Variants in MYH15 observed in about 807,000 individuals in gnomAD.
MYH15 encodes the protein myosin-15.
Under a neutral mutation model 240.5 loss-of-function variants are expected in MYH15, and 227 were observed. That is an observed-to-expected ratio of 0.94 (90% CI 0.85 to 1.05). The LOEUF (loss-of-function observed/expected upper bound fraction) is 1.05, where lower values mean the gene tolerates loss of function less well. MYH15 is among the 50% of genes least tolerant of loss of function. The probability of loss-of-function intolerance (pLI) is 0.00; values close to 1 mark genes in which losing one functional copy is unlikely to be tolerated. For synonymous variants in MYH15, 785 were observed against 796.7 expected, an observed-to-expected ratio of 0.99 and a Z score of 0.25; for missense variants, 2,217 against 2,247.5, an observed-to-expected ratio of 0.99 and a Z score of 0.27.
Position 108,391,885 on chromosome 3 carries a change from C to A in MYH15, c.5305G>T (p.Ala1769Ser), listed in dbSNP as rs758063978. Residue 1769 changes from alanine to serine, a missense_variant, in exon 37 of 41, where the codon GCC becomes TCC. Transcript: ENST00000693548. ...EELKKKQDTI[A>S]HLERTRENME... The stretch of plus-strand genomic sequence containing the variant: ...TTTTCTCTTGTCCTTTCCAAGTGGG[C>A]AATGGTGTCTTGCTTCTTCTTCAGT... 11 of 1,614,078 alleles carry A rather than the reference C, an allele frequency of 6.8e-6. 1 individual carries two copies. In the South Asian group the frequency reaches 1.2e-4, roughly 18 times the overall value.
intron 11 of MYH15, among the ~76,000 whole-genome samples, chr3:108,477,368 G>C (rs1216021463): frequency 2.0e-5 from 3 of 152,136 alleles, no homozygotes; most frequent in African/African-American, 7.2e-5. Context: ...GTTTATTTTT[G>C]TGATAATAAA....
the MYH15 span, chr3:108,550,118 T>C: frequency 6.6e-6 from 1 of 151,934 alleles, no homozygotes; most frequent in Non-Finnish European, 1.5e-5. Context: ...TGTATTGGTA[T>C]AGCAATAAAA....
chr3:108,458,753 TAA>T (rs59862220), intron 18 of MYH15, among the ~76,000 whole-genome samples: 1 of 146,554 alleles, frequency 6.8e-6, no homozygotes, highest in African/African-American at 2.5e-5. Flanking sequence ...TTGAAAACAT[TAA>T]AAAAAAAAAT....
In MYH15 at chr3:108,518,220, G is replaced by C. The variant is rs74356791; in HGVS notation, c.-57-7633C>G. Among the ~76,000 whole-genome samples the C allele has an allele frequency of 3.2e-3, 489 of 152,284 alleles. 3 individuals are homozygous for C. Among genetic ancestry groups the C allele is most frequent in the African/African-American group, 0.011 (476 of 41,562 alleles). ...ATAACCTTTATTATATGAAAACACT[G>C]AGTCTCAGAGAACTAGCAAGTGTTA... On this transcript the variant is annotated intron_variant, in intron 1 of 41. Transcript: ENST00000273353.
intron 25 of MYH15, among the ~76,000 whole-genome samples, chr3:108,436,601 T>C (rs1560362668): frequency 6.6e-6 from 1 of 152,174 alleles, no homozygotes; most frequent in Non-Finnish European, 1.5e-5. Context: ...TACAGTGGCA[T>C]GATCTCAGCT....
chr3:108,387,385 C>A (rs1366400349), intron 38 of MYH15, among the ~76,000 whole-genome samples: 1 of 152,066 alleles, frequency 6.6e-6, no homozygotes, highest in African/African-American at 2.4e-5. Context: ...AGAAAATAGG[C>A]CTATCTAAGC....
Position 108,501,851 on chromosome 3 carries a change from A to G in MYH15, c.200T>C (p.Leu67Pro), listed in dbSNP as rs768192824. 3 of 1,613,730 alleles carry G rather than the reference A, an allele frequency of 1.9e-6. No individual in the cohort carries two copies. The highest frequency in any genetic ancestry group is 2.7e-5 in the African/African-American group (2 of 74,896). ...CTGGATTTTGTCCTCCTTTATGCTC[A>G]GACTCTGCAGAGAGAAGAAAAATAT... ...VIVETADGESLSIKEDKIQQM... is the reference protein window; with the variant it reads ...VIVETADGESPSIKEDKIQQM... Residue 67 changes from leucine to proline, a missense_variant, in exon 3 of 41, where the codon CTG becomes CCG. Leu to Pro is a moderately conservative substitution (Grantham distance 98, BLOSUM62 -3). Transcript: ENST00000693548.
chr3:108,384,881 TAAACA>T, intron 38 of MYH15, 99 bp from the exon 39 acceptor site: 1 of 1,005,772 alleles, frequency 9.9e-7, no homozygotes, highest in Non-Finnish European at 1.5e-6. Flanking sequence ...GGAACTTTAT[TAAACA>T]TCATCTCAGA....
At chr3:108,520,034 A>AT (rs561819448) in intron 1 of MYH15, among the ~76,000 whole-genome samples, 299 of 152,284 alleles carry the variant, frequency 2.0e-3, no homozygotes, top group African/African-American at 6.1e-3. Context: ...AAATATAACA[A>AT]TTTTTTGAAC....
At chr3:108,515,557 T>C (rs2083555571), upstream of MYH15, among the ~76,000 whole-genome samples, 1 of 152,196 alleles carries the variant, frequency 6.6e-6, no homozygotes, top group African/African-American at 2.4e-5. Context: ...TGAGTTTTTG[T>C]TATTTGCCAT....
chr3:108,482,855 T>C (rs1162747346), intron 11 of MYH15, among the ~76,000 whole-genome samples: 2 of 152,164 alleles, frequency 1.3e-5, no homozygotes, highest in African/African-American at 4.8e-5. Flanking sequence ...GATGTATCCC[T>C]AGCATCAAGA....
intron 25 of MYH15, among the ~76,000 whole-genome samples, chr3:108,434,608 T>C (rs2107564212): frequency 6.6e-6 from 1 of 152,310 alleles, no homozygotes; most frequent in Non-Finnish European, 1.5e-5. Flanking sequence ...AGTACTCCAT[T>C]TAAAAATTAA....
intron 2 of MYH15, among the ~76,000 whole-genome samples, chr3:108,504,266 T>C (rs949857172): frequency 1.3e-5 from 2 of 152,222 alleles, no homozygotes; most frequent in Non-Finnish European, 2.9e-5. Context: ...AGTTTACTGA[T>C]TTAGGACTAA....
intron 19 of MYH15, among the ~76,000 whole-genome samples, chr3:108,456,379 C>G (rs1322576308): frequency 6.6e-6 from 1 of 152,158 alleles, no homozygotes; most frequent in Non-Finnish European, 1.5e-5. Context: ...ACTCCTGCCT[C>G]CTGCCATACA....
At chr3:108,414,641 A>G (rs2082620472) in intron 29 of MYH15, among the ~76,000 whole-genome samples, 1 of 152,238 alleles carries the variant, frequency 6.6e-6, no homozygotes. Context: ...AGGGAAGGGA[A>G]TTCTATTTAG....
Position 108,486,484 on chromosome 3 carries a change from C to G in MYH15, c.914G>C (p.Cys305Ser). ...CTCCACAGTAACTGCTCCACAGGAG[C>G]AAAAGTGGAAGTCTGAGGGATTTGC... is the stretch of plus-strand genomic sequence containing the variant. ...VSANPSDFHFCSCGAVTVESL... is the reference protein window; with the variant it reads ...VSANPSDFHFSSCGAVTVESL... The change falls in exon 10 of 41, where the codon TGC (cysteine) becomes TCC (serine). Residue 305 changes from cysteine (C) to serine (S), a missense_variant. Physicochemically the swap from Cys to Ser is moderately radical, Grantham distance 112. Coordinates refer to ENST00000693548, the MANE Select transcript of MYH15 (RefSeq NM_014981.3). 1 of 1,612,468 alleles carries G rather than the reference C, an allele frequency of 6.2e-7. No homozygotes were observed. The highest frequency in any genetic ancestry group is 8.5e-7 in the Non-Finnish European group (1 of 1,178,838).
upstream of MYH15, among the ~76,000 whole-genome samples, chr3:108,514,127 T>TA (rs2083542518): frequency 6.6e-6 from 1 of 152,126 alleles, no homozygotes; most frequent in South Asian, 2.1e-4. Flanking sequence ...CTGCCTTTCA[T>TA]AAAAAATATG....
upstream of MYH15, among the ~76,000 whole-genome samples, chr3:108,531,511 T>C (rs933081866): frequency 2.0e-5 from 3 of 151,996 alleles, no homozygotes; most frequent in Non-Finnish European, 2.9e-5. Context: ...TGGAATAACA[T>C]AGGTAAGAGA....
At chr3:108,467,033 T>G (rs1442624501) in intron 14 of MYH15, among the ~76,000 whole-genome samples, 1 of 151,838 alleles carries the variant, frequency 6.6e-6, no homozygotes. Context: ...GTTCCTGGAG[T>G]GCCAGGATGA....
Sources: gnomAD v4.1 joint callset for allele counts (sites outside exome capture counted in the v4.1 genomes callset) on GRCh38, gnomAD v4.1.1 for gene constraint, MANE v1.5 for transcripts, NCBI Gene and HGNC (gene_info 2026-07-23, HGNC 2026-07-21) for gene names.